KDM4B: variants seen among roughly 807,000 people sequenced by gnomAD.
KDM4B encodes the protein lysine demethylase 4B, also known as lysine-specific demethylase 4B.
A neutral mutation model predicts 125.2 loss-of-function variants in KDM4B; 32 were observed. That is an observed-to-expected ratio of 0.26 (90% CI 0.19 to 0.34). The LOEUF (loss-of-function observed/expected upper bound fraction) is 0.34. Among genes scored for constraint, KDM4B ranks in the 10% least tolerant of loss-of-function variants. KDM4B has a pLI of 1.00. For missense variants in KDM4B, 1,190 were observed against 1,577.7 expected, an observed-to-expected ratio of 0.75 and a Z score of 4.16; for synonymous variants, 721 against 677.9, an observed-to-expected ratio of 1.06 and a Z score of -0.99.
intron 12 of KDM4B, 45 bp from the exon 13 acceptor site, chr19:5,131,842 G>A: frequency 1.2e-6 from 2 of 1,612,076 alleles, no homozygotes; most frequent in Non-Finnish European, 1.7e-6. Context: ...GCCCCACCCA[G>A]GGGTCTGTAG....
intron 21 of KDM4B, among the ~76,000 whole-genome samples, chr19:5,146,077 G>A (rs943264440): frequency 1.0e-4 from 14 of 140,632 alleles, no homozygotes; most frequent in Admixed American, 3.5e-4. Flanking sequence ...CACCACTCTC[G>A]GACCTGTCAC....
rs546702448 is a variant in KDM4B at position 4,998,767 on chromosome 19, A to T, written c.-108-17490A>T. Among the ~76,000 whole-genome samples the T allele has an allele frequency of 9.2e-5, 14 of 152,032 alleles. No homozygotes were observed. In the South Asian group the frequency reaches 2.9e-3, roughly 32 times the overall value. ...CCTGAGTCTGTCTCTGGGTTCTCTG[A>T]CTCTGATGTTTTGGGGGCGTACAGG... On this transcript the variant is annotated intron_variant, in intron 1 of 22. Transcript: ENST00000159111.
intron 2 of KDM4B, among the ~76,000 whole-genome samples, chr19:5,030,100 T>A (rs879358559): frequency 6.6e-6 from 1 of 152,084 alleles, no homozygotes; most frequent in Admixed American, 6.5e-5. Flanking sequence ...AGCCCCCCTT[T>A]TTATTATTTA....
chr19:5,034,950 C>G (rs2036571991), intron 3 of KDM4B, among the ~76,000 whole-genome samples: 1 of 152,182 alleles, frequency 6.6e-6, no homozygotes, highest in East Asian at 1.9e-4. Flanking sequence ...CCTCAGCTTC[C>G]CGAGTAGCTG....
In KDM4B at chr19:5,082,163, G is replaced by A. The variant is rs750133180; in HGVS notation, c.781-204G>A. 1.4e-4 allele frequency among the ~76,000 whole-genome samples: 21 copies of A among 152,216 alleles called. No individual in the cohort carries two copies. Among genetic ancestry groups the A allele is most frequent in the Non-Finnish European group, 2.4e-4 (16 of 68,030 alleles). ...GTGGAGGTTGCAGAGCTGTGGCTGC[G>A]GCTGCTCACTATGTCCTTCATGAGC... is the stretch of plus-strand genomic sequence containing the variant. On this transcript the variant is annotated intron_variant, in intron 8 of 22. Transcript: ENST00000159111. This position sits in a 1 kb window ranked among gnomAD's most constrained non-coding sequence, Gnocchi z 5.4.
chr19:5,099,627 G>A (rs1260232847), intron 9 of KDM4B, among the ~76,000 whole-genome samples: 1 of 152,218 alleles, frequency 6.6e-6, no homozygotes, highest in African/African-American at 2.4e-5. Flanking sequence ...AGAGACATAT[G>A]CTCCAGGGGC....
At chr19:5,148,932 TC>T (rs2039898045) in intron 21 of KDM4B, among the ~76,000 whole-genome samples, 1 of 151,904 alleles carries the variant, frequency 6.6e-6, no homozygotes, top group African/African-American at 2.4e-5. Flanking sequence ...CCTCCACACA[TC>T]CCCGAGAGAT....
rs545228505 is a variant in KDM4B, at chr19:5,119,716, G to A, written c.1179G>A (p.Glu393=). ...CCGAAGACCCCAAGTTCCCTGGGGA[G>A]GGTACGGCTGGGGCAGCGCTCCTAG... is the stretch of plus-strand genomic sequence containing the variant. The part of the protein sequence containing the change: ...PKPEDPKFPG[E]GTAGAALLEE... Residue 393 remains glutamate (E), a synonymous_variant, in exon 11 of 23, where the codon GAG becomes GAA. Coordinates refer to ENST00000159111, the MANE Select transcript of KDM4B (RefSeq NM_015015.3). 4 of 1,552,566 alleles carry A rather than the reference G, an allele frequency of 2.6e-6. No homozygotes were observed. The East Asian group carries it at 9.7e-5, about 38-fold the overall frequency.
chr19:5,040,834 G>A (rs1203682369), intron 4 of KDM4B, among the ~76,000 whole-genome samples: 1 of 152,190 alleles, frequency 6.6e-6, no homozygotes, highest in East Asian at 1.9e-4. Context: ...TGCCACACAG[G>A]GATGACAAGA....
intron 9 of KDM4B, among the ~76,000 whole-genome samples, chr19:5,088,314 C>T (rs992449190): frequency 6.6e-6 from 1 of 152,204 alleles, no homozygotes; most frequent in Non-Finnish European, 1.5e-5. Flanking sequence ...CCTGCAAAAA[C>T]TCGCTCTGAT....
At chr19:5,075,937 G>T in intron 7 of KDM4B, 1 of 156,930 alleles carries the variant, frequency 6.4e-6, no homozygotes, top group South Asian at 1.7e-4. Context: ...CTCATTCATG[G>T]CCTTGAAAGC....
intron 2 of KDM4B, among the ~76,000 whole-genome samples, chr19:5,025,944 A>C (rs1388384320): frequency 6.6e-6 from 1 of 151,770 alleles, no homozygotes; most frequent in Non-Finnish European, 1.5e-5. Context: ...GTGCAATGGC[A>C]CTATCTCGGC....
chr19:5,038,032 G>T (rs533124536), intron 3 of KDM4B, among the ~76,000 whole-genome samples: 1 of 152,400 alleles, frequency 6.6e-6, no homozygotes, highest in African/African-American at 2.4e-5. Context: ...TCTGGAAGCT[G>T]CCAGCGATGC....
chr19:5,119,164 G>A, intron 10 of KDM4B: 1 of 1,535,406 alleles, frequency 6.5e-7, no homozygotes, highest in Non-Finnish European at 8.7e-7. Flanking sequence ...GACTGAGGAG[G>A]AGAGGAAACC....
intron 1 of KDM4B, among the ~76,000 whole-genome samples, chr19:4,998,446 C>T (rs1045082377): frequency 4.6e-5 from 7 of 152,270 alleles, no homozygotes; most frequent in Middle Eastern, 6.8e-3. Flanking sequence ...CCCCATGTGG[C>T]GACATTCCCT....
At chr19:5,103,144 G>C (rs1031394587) in intron 9 of KDM4B, among the ~76,000 whole-genome samples, 1 of 152,102 alleles carries the variant, frequency 6.6e-6, no homozygotes, top group African/African-American at 2.4e-5. Context: ...CAGAGCCCAG[G>C]GCCAATGTGT....
At chr19:5,135,617 G>A in intron 15 of KDM4B, 56 bp downstream of exon 15, 1 of 1,420,496 alleles carries the variant, frequency 7.0e-7, no homozygotes, top group Non-Finnish European at 9.5e-7. Flanking sequence ...GTGTTGGTGG[G>A]GGTGCCGGTG....
intron 6 of KDM4B, among the ~76,000 whole-genome samples, chr19:5,070,063 T>A (rs1311393856): frequency 6.6e-6 from 1 of 152,172 alleles, no homozygotes; most frequent in Non-Finnish European, 1.5e-5. Flanking sequence ...TCTGTGTGAC[T>A]GTTCTAGAAC....
At chr19:5,029,717 G>C (rs1312324931) in intron 2 of KDM4B, among the ~76,000 whole-genome samples, 1 of 152,110 alleles carries the variant, frequency 6.6e-6, no homozygotes, top group Non-Finnish European at 1.5e-5. Context: ...GTCCCAGCTA[G>C]TTGGGAGGCT....
Sources: gnomAD v4.1 joint callset for allele counts (sites outside exome capture counted in the v4.1 genomes callset) on GRCh38, gnomAD v4.1.1 for gene constraint, Gnocchi (gnomAD v3.1) non-coding constraint, MANE v1.5 for transcripts, NCBI Gene and HGNC (gene_info 2026-07-23, HGNC 2026-07-21) for gene names.